PRKAR2A: variants seen among roughly 807,000 people sequenced by gnomAD.
PRKAR2A encodes protein kinase cAMP-dependent type II regulatory subunit alpha.
A neutral mutation model predicts 51.9 loss-of-function variants in PRKAR2A; 29 were observed. The ratio of observed to expected loss-of-function variants is 0.56; its 90% CI spans 0.42 to 0.76. The LOEUF (loss-of-function observed/expected upper bound fraction) is 0.76, where lower values mean the gene tolerates loss of function less well. Among genes scored for constraint, PRKAR2A ranks in the 30% least tolerant of loss-of-function variants. The pLI is 0.00. For synonymous variants in PRKAR2A, 178 were observed against 186.2 expected, an observed-to-expected ratio of 0.96 and a Z score of 0.36; for missense variants, 445 against 512.1, an observed-to-expected ratio of 0.87 and a Z score of 1.26.
At chr3:48,846,483 C>A (rs894965232) in intron 1 of PRKAR2A, among the ~76,000 whole-genome samples, 2 of 152,206 alleles carry the variant, frequency 1.3e-5, no homozygotes, top group Non-Finnish European at 2.9e-5. Context: ...TCCCAAAGTG[C>A]TGGGACTACA....
At chr3:48,823,071 C>A (rs2082995159) in intron 1 of PRKAR2A, among the ~76,000 whole-genome samples, 1 of 145,376 alleles carries the variant, frequency 6.9e-6, no homozygotes, top group South Asian at 2.2e-4. Flanking sequence ...TTTTAAGTGA[C>A]TTTTTTTTTT....
intron 2 of PRKAR2A, among the ~76,000 whole-genome samples, chr3:48,804,836 A>G (rs1330453002): frequency 6.6e-6 from 1 of 152,178 alleles, no homozygotes; most frequent in Non-Finnish European, 1.5e-5. Flanking sequence ...GGAAATAAGA[A>G]GGAACAACCT....
intron 1 of PRKAR2A, among the ~76,000 whole-genome samples, chr3:48,838,434 C>A (rs1382567456): frequency 6.6e-6 from 1 of 151,620 alleles, no homozygotes; most frequent in Admixed American, 6.6e-5. Flanking sequence ...TGGTGAAACC[C>A]CATCTCTACT....
chr3:48,764,642 T>C (rs1378195178), intron 8 of PRKAR2A, among the ~76,000 whole-genome samples: 1 of 152,088 alleles, frequency 6.6e-6, no homozygotes, highest in Non-Finnish European at 1.5e-5. Flanking sequence ...TGGTTTTTTT[T>C]TGAAATGGAG....
intron 4 of PRKAR2A, among the ~76,000 whole-genome samples, chr3:48,786,114 T>C (rs1361549636): frequency 1.3e-5 from 2 of 151,532 alleles, no homozygotes; most frequent in Non-Finnish European, 2.9e-5. Flanking sequence ...CTGGCAGTTT[T>C]TTGGTTTTTT....
At chr3:48,778,821 ATT>A (rs759904828) in intron 5 of PRKAR2A, among the ~76,000 whole-genome samples, 11 of 86,402 alleles carry the variant, frequency 1.3e-4, no homozygotes, top group East Asian at 1.3e-3. Context: ...CTCGGCCTGC[ATT>A]TTTTTTTTTT....
At chr3:48,792,805 T>C (rs2082412582) in intron 3 of PRKAR2A, among the ~76,000 whole-genome samples, 1 of 151,948 alleles carries the variant, frequency 6.6e-6, no homozygotes, top group Non-Finnish European at 1.5e-5. Flanking sequence ...TATGCCCTCA[T>C]AAAAGTAATT....
rs960000705 is a variant in PRKAR2A, at chr3:48,750,347, G to A, written c.*1238C>T. ...CATTGCACTCCAGCCTGGGCAACAAGAGCGAAACTCCGTCTCAAAAAGAAA... is the reference window on the plus strand; with the variant it reads ...CATTGCACTCCAGCCTGGGCAACAAAAGCGAAACTCCGTCTCAAAAAGAAA... On this transcript the variant is annotated 3_prime_UTR_variant, in exon 11 of 11. Transcript: ENST00000265563. The A allele has an allele frequency of 6.6e-6, 1 of 152,516 alleles. No homozygotes were observed. Among genetic ancestry groups the A allele is most frequent in the African/African-American group, 2.4e-5 (1 of 41,412 alleles). The allele number at this position is 152,516 out of a possible 1,614,324, so 9.4% of individuals were successfully genotyped here. A position where few individuals can be genotyped will look rare whatever the true frequency, so the allele number is the denominator to read the frequency against.
At chr3:48,821,506 G>A (rs2082960102) in intron 1 of PRKAR2A, among the ~76,000 whole-genome samples, 1 of 152,098 alleles carries the variant, frequency 6.6e-6, no homozygotes, top group Non-Finnish European at 1.5e-5. Flanking sequence ...ATGAGTTCTA[G>A]GATCAATAGA....
chr3:48,840,966 C>T (rs1440685863), intron 1 of PRKAR2A, among the ~76,000 whole-genome samples: 1 of 148,144 alleles, frequency 6.8e-6, no homozygotes, highest in Non-Finnish European at 1.5e-5. Flanking sequence ...ACTGAAACCT[C>T]CACCTCCTGG....
At chr3:48,832,906 G>A (rs1466968788) in intron 1 of PRKAR2A, among the ~76,000 whole-genome samples, 1 of 152,106 alleles carries the variant, frequency 6.6e-6, no homozygotes, top group Non-Finnish European at 1.5e-5. Flanking sequence ...CAAAGACAAT[G>A]AAAACAAGTT....
chr3:48,808,984 T>C (rs1245673485), intron 1 of PRKAR2A, among the ~76,000 whole-genome samples: 2 of 146,200 alleles, frequency 1.4e-5, no homozygotes, highest in African/African-American at 2.5e-5. Flanking sequence ...TTTTGCCACA[T>C]TGGCCAGACT....
chr3:48,795,060 T>C (rs2082468505), intron 2 of PRKAR2A, among the ~76,000 whole-genome samples: 1 of 151,674 alleles, frequency 6.6e-6, no homozygotes, highest in Non-Finnish European at 1.5e-5. Flanking sequence ...CACTGCAAGC[T>C]CCGCCTCTCA....
intron 1 of PRKAR2A, among the ~76,000 whole-genome samples, chr3:48,839,085 CA>C (rs1020386478): frequency 2.0e-5 from 3 of 151,990 alleles, no homozygotes; most frequent in Admixed American, 6.6e-5. Context: ...GTCAGGAGTT[CA>C]AGACCAGCCT....
At chr3:48,838,656 T>C (rs1034455011) in intron 1 of PRKAR2A, among the ~76,000 whole-genome samples, 1 of 151,370 alleles carries the variant, frequency 6.6e-6, no homozygotes, top group African/African-American at 2.4e-5. Flanking sequence ...TATATGGGAC[T>C]TTTTTTGGAG....
intron 5 of PRKAR2A, among the ~76,000 whole-genome samples, chr3:48,776,831 A>ACT (rs1339617217): frequency 7.2e-5 from 11 of 152,086 alleles, no homozygotes; most frequent in Admixed American, 6.6e-4. Context: ...GCAGAGTGAG[A>ACT]CTCTATCTCA....
rs1442157751 is a variant in PRKAR2A at position 48,829,616 on chromosome 3, G to A, written c.262+17719C>T. On this transcript the variant is annotated intron_variant, in intron 1 of 10. Transcript: ENST00000265563. ...TATACACACACATAAATGTGTGTGT[G>A]TATACGTGTGTATACACACACATAA... Among the ~76,000 whole-genome samples, 131 of 122,938 alleles carry A rather than the reference G, an allele frequency of 1.1e-3. 4 individuals carry two copies. Among genetic ancestry groups the A allele is most frequent in the Non-Finnish European group, 1.2e-3 (71 of 58,326 alleles). 80.7% of individuals were successfully genotyped at this position (122,938 alleles called of 152,430 possible).
chr3:48,846,855 T>C (rs189402394), intron 1 of PRKAR2A, among the ~76,000 whole-genome samples: 2 of 152,318 alleles, frequency 1.3e-5, no homozygotes, highest in Admixed American at 1.3e-4. Flanking sequence ...ACGCAACTGT[T>C]AAATGTAGGT....
Position 48,751,170 on chromosome 3 carries a change from A to G in PRKAR2A, c.*415T>C. 1.0e-5 allele frequency: 4 copies of G among 384,706 alleles called. No homozygotes were observed. Among genetic ancestry groups the G allele is most frequent in the Non-Finnish European group, 1.5e-5 (3 of 194,876 alleles). 23.8% of individuals were successfully genotyped at this position (384,706 alleles called of 1,614,324 possible). ...GGCTACATTTCCTCCTTTGAGAACCATTAGAGAGTGTCTACAGTTATACAA... is the reference window on the plus strand; with the variant it reads ...GGCTACATTTCCTCCTTTGAGAACCGTTAGAGAGTGTCTACAGTTATACAA... On this transcript the variant is annotated 3_prime_UTR_variant, in exon 11 of 11. Coordinates refer to ENST00000265563, the MANE Select transcript of PRKAR2A (RefSeq NM_004157.4).
Sources: gnomAD v4.1 joint callset for allele counts (sites outside exome capture counted in the v4.1 genomes callset) on GRCh38, gnomAD v4.1.1 for gene constraint, MANE v1.5 for transcripts, NCBI Gene and HGNC (gene_info 2026-07-23, HGNC 2026-07-21) for gene names.